Variants in RBFOX1 observed in about 807,000 individuals in gnomAD.
RBFOX1 encodes RNA binding fox-1 homolog 1.
Under a neutral mutation model 57.7 loss-of-function variants are expected in RBFOX1, and 8 were observed. The ratio of observed to expected loss-of-function variants is 0.14; its 90% confidence interval spans 0.08 to 0.25. RBFOX1 has a LOEUF of 0.25. Ranked by LOEUF, RBFOX1 falls within the 10% of genes least tolerant of loss-of-function variation. The pLI is 1.00. For missense variants in RBFOX1, 611 were observed against 548.5 expected (o/e 1.11, Z -1.14); for synonymous variants, 326 against 222.4 (o/e 1.47, Z -4.15).
intron 2 of RBFOX1, among the ~76,000 whole-genome samples, chr16:6,570,670 A>G (rs1300100047): frequency 6.6e-6 from 1 of 152,224 alleles, no homozygotes; most frequent in East Asian, 1.9e-4. Context: ...AAAAATTATC[A>G]GTCATATGTA....
At chr16:6,876,203 C>G (rs781211781) in intron 3 of RBFOX1, among the ~76,000 whole-genome samples, 3 of 151,760 alleles carry the variant, frequency 2.0e-5, no homozygotes, top group Non-Finnish European at 4.4e-5. Context: ...CAAAGCAAAG[C>G]AAAACAAAAA....
intron 11 of RBFOX1, among the ~76,000 whole-genome samples, chr16:7,650,677 C>T (rs372753908): frequency 1.3e-5 from 2 of 152,216 alleles, no homozygotes; most frequent in African/African-American, 2.4e-5. Flanking sequence ...CTGGCTCACT[C>T]GGCTCCATAG....
At chr16:5,318,924 A>G (rs2064319140) in intron 1 of RBFOX1, among the ~76,000 whole-genome samples, 1 of 151,946 alleles carries the variant, frequency 6.6e-6, no homozygotes, top group African/African-American at 2.4e-5. Context: ...TGAGGTTAGG[A>G]CTTTCAGCCT....
chr16:6,897,759 C>T (rs1296953826), intron 3 of RBFOX1, among the ~76,000 whole-genome samples: 4 of 152,176 alleles, frequency 2.6e-5, no homozygotes, highest in Admixed American at 1.3e-4. Flanking sequence ...TGCTGTTACA[C>T]TCCAGCCTTG....
At chr16:7,249,008 G>C (rs939106740) in intron 4 of RBFOX1, among the ~76,000 whole-genome samples, 1 of 152,180 alleles carries the variant, frequency 6.6e-6, no homozygotes, top group Non-Finnish European at 1.5e-5. Flanking sequence ...AAGACTGAGA[G>C]TGGGAGCCAG....
At chr16:6,057,190 A>G (rs373514767) in intron 1 of RBFOX1, 22 of 152,174 alleles carry the variant, frequency 1.4e-4, no homozygotes, top group African/African-American at 5.1e-4. Flanking sequence ...CATGGAGGCT[A>G]AGTACTAATG....
At chr16:6,168,605 T>C (rs773201926) in intron 1 of RBFOX1, among the ~76,000 whole-genome samples, 7 of 152,194 alleles carry the variant, frequency 4.6e-5, no homozygotes, top group Non-Finnish European at 1.0e-4. Flanking sequence ...ATTTTTATTT[T>C]TCTGGAAGTA....
At chr16:6,769,628 T>A (rs150933813) in intron 3 of RBFOX1, among the ~76,000 whole-genome samples, 1 of 152,246 alleles carries the variant, frequency 6.6e-6, no homozygotes, top group East Asian at 1.9e-4. Context: ...CTCCAAATGA[T>A]GACTGTTGGC....
chr16:7,679,885 T>C (rs1024580372), intron 14 of RBFOX1, among the ~76,000 whole-genome samples: 1 of 152,130 alleles, frequency 6.6e-6, no homozygotes, highest in East Asian at 1.9e-4. Context: ...TATAGTCTCA[T>C]TGACAAATTT....
intron 3 of RBFOX1, among the ~76,000 whole-genome samples, chr16:6,882,940 G>C (rs2063257630): frequency 6.6e-6 from 1 of 152,134 alleles, no homozygotes; most frequent in Admixed American, 6.5e-5. Context: ...GTCTTAGGCG[G>C]CTTCCCCTCC....
chr16:5,387,689 T>A (rs956553905), intron 1 of RBFOX1, among the ~76,000 whole-genome samples: 1 of 152,188 alleles, frequency 6.6e-6, no homozygotes, highest in South Asian at 2.1e-4. Context: ...AGGTGGAATG[T>A]TTCCCCGAAA....
chr16:5,517,255 G>A (rs1411199309), intron 2 of RBFOX1, among the ~76,000 whole-genome samples: 2 of 152,152 alleles, frequency 1.3e-5, no homozygotes, highest in African/African-American at 4.8e-5. Flanking sequence ...GTAGATCTGG[G>A]AAATCAGCAG....
At chr16:6,527,258 T>A (rs1400102926) in intron 2 of RBFOX1, among the ~76,000 whole-genome samples, 4 of 152,110 alleles carry the variant, frequency 2.6e-5, no homozygotes, top group African/African-American at 9.7e-5. Flanking sequence ...CCAGTTTGTT[T>A]TGTATTTTTT....
Position 7,081,296 on chromosome 16 carries a change from A to T in RBFOX1, c.27+29198A>T, listed in dbSNP as rs1253256977. Among the ~76,000 whole-genome samples, 3 of 152,194 alleles carry T rather than the reference A, an allele frequency of 2.0e-5. No homozygotes were observed. The East Asian group carries it at 5.8e-4, about 29-fold the overall frequency. On this transcript the variant is annotated intron_variant, in intron 4 of 15. Transcript: ENST00000550418. ...GTGATCCACCAGCCTTGGCCTCCCA[A>T]AGTGCTGGGATTATAGGTGTGAGCC...
chr16:6,692,394 C>A (rs971381323), intron 3 of RBFOX1, among the ~76,000 whole-genome samples: 1 of 152,068 alleles, frequency 6.6e-6, no homozygotes, highest in Non-Finnish European at 1.5e-5. Flanking sequence ...GTATCTCTCC[C>A]TAGAGTTCCT....
At chr16:6,070,179 C>T (rs1476224581) in intron 1 of RBFOX1, among the ~76,000 whole-genome samples, 1 of 152,034 alleles carries the variant, frequency 6.6e-6, no homozygotes, top group Non-Finnish European at 1.5e-5. Flanking sequence ...TTTTCAGAAA[C>T]AAAGCTGTTG....
chr16:6,956,237 G>A (rs936658874), intron 3 of RBFOX1, among the ~76,000 whole-genome samples: 1 of 152,162 alleles, frequency 6.6e-6, no homozygotes, highest in South Asian at 2.1e-4. Flanking sequence ...AGAGGAGAAG[G>A]ACTTTGCTTT....
chr16:5,960,897 C>A (rs8050283), intron 4 of RBFOX1, among the ~76,000 whole-genome samples: 2 of 152,122 alleles, frequency 1.3e-5, no homozygotes, highest in African/African-American at 2.4e-5. Context: ...AGAGTGTTGA[C>A]CATAAGCCCA....
At chr16:6,023,921 A>G (rs867437674) in intron 1 of RBFOX1, among the ~76,000 whole-genome samples, 1 of 152,190 alleles carries the variant, frequency 6.6e-6, no homozygotes, top group Non-Finnish European at 1.5e-5. Context: ...TAAAGAATCA[A>G]TCAGTGATGG....
Sources: allele counts gnomAD v4.1 joint callset (sites outside exome capture counted in the v4.1 genomes callset), GRCh38; gene constraint gnomAD v4.1.1; transcripts MANE v1.5; gene names NCBI Gene and HGNC (gene_info 2026-07-23, HGNC 2026-07-21).